The following MAGI3 variants were observed in gnomAD, a reference collection of about 807,000 sequenced individuals.
The protein encoded by MAGI3 is membrane-associated guanylate kinase, WW and PDZ domain-containing protein 3.
MAGI3 carries 43 observed loss-of-function variants against 121.8 expected under a neutral mutation model. The ratio of observed to expected loss-of-function variants is 0.35; its 90% CI spans 0.28 to 0.46. The LOEUF (loss-of-function observed/expected upper bound fraction) is 0.46, where lower values mean the gene tolerates loss of function less well. MAGI3 is among the 20% of genes least tolerant of loss of function. The pLI, the probability that MAGI3 is intolerant of heterozygous loss-of-function variation, is 1.00. For synonymous variants in MAGI3, 553 were observed against 639.3 expected (o/e 0.86, Z 2.04); for missense variants, 1,547 against 1,797.3 (o/e 0.86, Z 2.52).
chr1:113,485,226 A>C (rs1437958586), intron 1 of MAGI3, among the ~76,000 whole-genome samples: 4 of 152,174 alleles, frequency 2.6e-5, no homozygotes, highest in African/African-American at 9.7e-5. Flanking sequence ...TTAGTTCTTT[A>C]AGGAATCTTC....
chr1:113,639,558 T>C (rs1652313451), intron 9 of MAGI3, among the ~76,000 whole-genome samples: 1 of 151,722 alleles, frequency 6.6e-6, no homozygotes, highest in South Asian at 2.1e-4. Flanking sequence ...CACGCCACCA[T>C]GCCTGGCTAA....
intron 1 of MAGI3, among the ~76,000 whole-genome samples, chr1:113,546,574 T>G (rs1421859455): frequency 2.0e-5 from 3 of 151,858 alleles, no homozygotes; most frequent in African/African-American, 7.3e-5. Context: ...TGACCTCAAG[T>G]AATCCAACTG....
At chr1:113,509,355 C>CT (rs763952179) in intron 1 of MAGI3, among the ~76,000 whole-genome samples, 2,629 of 126,566 alleles carry the variant, frequency 0.021, 22 homozygotes, top group Middle Eastern at 0.04. Context: ...ATTATCTTTT[C>CT]TTTTTTTTTT....
intron 1 of MAGI3, among the ~76,000 whole-genome samples, chr1:113,453,201 A>G (rs936772870): frequency 6.6e-6 from 1 of 152,170 alleles, no homozygotes; most frequent in African/African-American, 2.4e-5. Context: ...ACATAAATTG[A>G]TATAAATTTT....
chr1:113,545,061 TTTTG>T (rs1027976328), intron 1 of MAGI3, among the ~76,000 whole-genome samples: 10 of 149,484 alleles, frequency 6.7e-5, no homozygotes, highest in South Asian at 4.2e-4. Context: ...AAATATAGTT[TTTTG>T]TTTGTTTGTT....
chr1:113,625,598 AGTT>A (rs969795842), intron 9 of MAGI3, among the ~76,000 whole-genome samples: 6 of 151,844 alleles, frequency 4.0e-5, no homozygotes, highest in African/African-American at 7.3e-5. Flanking sequence ...TTATTTGTGG[AGTT>A]GTTAAGTTTT....
chr1:113,584,343 G>GAAGATACTC (rs1411938252), intron 3 of MAGI3, among the ~76,000 whole-genome samples: 5 of 152,130 alleles, frequency 3.3e-5, no homozygotes, highest in African/African-American at 1.2e-4. Context: ...GACAAATTGA[G>GAAGATACTC]AAGATACTCA....
At chr1:113,677,416 C>T (rs1647941613) in intron 19 of MAGI3, among the ~76,000 whole-genome samples, 1 of 152,226 alleles carries the variant, frequency 6.6e-6, no homozygotes, top group Non-Finnish European at 1.5e-5. Flanking sequence ...AGAGATCACT[C>T]ATCCTGTGCA....
intron 1 of MAGI3, among the ~76,000 whole-genome samples, chr1:113,519,068 TTCTC>T (rs1467975152): frequency 6.6e-6 from 1 of 152,146 alleles, no homozygotes; most frequent in African/African-American, 2.4e-5. Context: ...ATCACCCTAA[TTCTC>T]TCTATGAAAA....
chr1:113,602,139 G>A (rs1051690827), intron 6 of MAGI3, among the ~76,000 whole-genome samples: 4 of 151,946 alleles, frequency 2.6e-5, no homozygotes, highest in African/African-American at 9.7e-5. Flanking sequence ...GAGTTAATGG[G>A]TGCAGCACAC....
At chr1:113,575,938 G>A (rs1013371502) in intron 2 of MAGI3, among the ~76,000 whole-genome samples, 2 of 152,152 alleles carry the variant, frequency 1.3e-5, no homozygotes, top group East Asian at 1.9e-4. Flanking sequence ...GTTTTTCTGC[G>A]CTGCAGTGAG....
intron 6 of MAGI3, among the ~76,000 whole-genome samples, chr1:113,614,310 A>G (rs1297220734): frequency 2.0e-5 from 3 of 152,192 alleles, no homozygotes; most frequent in Non-Finnish European, 4.4e-5. Flanking sequence ...CAAGGTTTTT[A>G]AATGAAAGAA....
intron 3 of MAGI3, 107 bp from the exon 4 acceptor site, chr1:113,585,280 T>C (rs1366763071): frequency 1.9e-6 from 2 of 1,036,472 alleles, no homozygotes; most frequent in Middle Eastern, 2.5e-4. Context: ...ATGGTAGATA[T>C]TTCAAAACTT....
chr1:113,683,644 A>G lies in MAGI3; in HGVS notation c.4076A>G (p.Lys1359Arg), dbSNP rs764166194. The change falls in exon 21 of 21, where the codon AAA (lysine) becomes AGA (arginine). Residue 1359 changes from lysine (K) to arginine (R), a missense_variant. By Grantham distance (26) the Lys-to-Arg change is conservative. Transcript: ENST00000307546. ...SRTRSPEKKIKRMVEKSLPSK... is the reference protein window; with the variant it reads ...SRTRSPEKKIRRMVEKSLPSK... The stretch of plus-strand genomic sequence containing the variant: ...ACAAGGTCTCCAGAGAAAAAAATCA[A>G]AAGAATGGTTGAGAAATCTCTTCCA... 3.3e-5 allele frequency: 54 copies of G among 1,612,376 alleles called. No individual in the cohort carries two copies. Among genetic ancestry groups the G allele is most frequent in the Non-Finnish European group, 4.5e-5 (53 of 1,179,310 alleles).
intron 1 of MAGI3, among the ~76,000 whole-genome samples, chr1:113,481,512 CTTTG>C (rs1656111398): frequency 1.3e-5 from 2 of 151,646 alleles, no homozygotes; most frequent in South Asian, 4.2e-4. Context: ...AGATTTTTAC[CTTTG>C]TTTTTTTTTC....
At chr1:113,593,571 C>T (rs909916042) in intron 5 of MAGI3, among the ~76,000 whole-genome samples, 16 of 152,034 alleles carry the variant, frequency 1.1e-4, no homozygotes, top group Non-Finnish European at 1.8e-4. Flanking sequence ...ATAACAATAA[C>T]TTTAATTTAC....
chr1:113,638,542 G>A (rs1489672238), intron 9 of MAGI3, among the ~76,000 whole-genome samples: 2 of 152,234 alleles, frequency 1.3e-5, no homozygotes, highest in African/African-American at 4.8e-5. Flanking sequence ...CTGCACAGCA[G>A]CGGATTTTCG....
At chr1:113,627,496 A>G (rs1452752253) in intron 9 of MAGI3, among the ~76,000 whole-genome samples, 1 of 151,196 alleles carries the variant, frequency 6.6e-6, no homozygotes, top group Non-Finnish European at 1.5e-5. Context: ...TCTGTCTGGA[A>G]GATCTAATGC....
At chr1:113,406,953 CAGAG>C (rs1040621885) in intron 1 of MAGI3, among the ~76,000 whole-genome samples, 13 of 152,134 alleles carry the variant, frequency 8.5e-5, no homozygotes, top group African/African-American at 2.2e-4. Flanking sequence ...ATTTTTTACT[CAGAG>C]AGAATTGTAA....
Sources: allele counts gnomAD v4.1 joint callset (sites outside exome capture counted in the v4.1 genomes callset), GRCh38; gene constraint gnomAD v4.1.1; transcripts MANE v1.5; gene names NCBI Gene and HGNC (gene_info 2026-07-23, HGNC 2026-07-21).